The following MAST1 variants were observed in gnomAD, a reference collection of about 807,000 sequenced individuals.
The protein encoded by MAST1 is microtubule-associated serine/threonine-protein kinase 1.
In MAST1, 40 loss-of-function variants were observed where a neutral mutation model predicts 124.6. The ratio of observed to expected loss-of-function variants is 0.32; its 90% CI spans 0.25 to 0.42. The LOEUF (loss-of-function observed/expected upper bound fraction) is 0.42. Ranked by LOEUF, MAST1 falls within the 10% of genes least tolerant of loss-of-function variation. The probability of loss-of-function intolerance (pLI) is 1.00; values close to 1 mark genes in which losing one functional copy is unlikely to be tolerated. For synonymous variants in MAST1, 938 were observed against 939.4 expected, an observed-to-expected ratio of 1.00 and a Z score of 0.03; for missense variants, 1,558 against 2,181.9, an observed-to-expected ratio of 0.71 and a Z score of 5.70.
At chr19:12,860,755 G>T (rs1970071439) in intron 12 of MAST1, among the ~76,000 whole-genome samples, 1 of 151,896 alleles carries the variant, frequency 6.6e-6, no homozygotes, top group Admixed American at 6.6e-5. Flanking sequence ...CCCATATATT[G>T]TTTTTAATCC....
At chr19:12,868,256 G>A (rs1208413529) in intron 20 of MAST1, among the ~76,000 whole-genome samples, 4 of 151,322 alleles carry the variant, frequency 2.6e-5, no homozygotes. Flanking sequence ...TTACAGGCGC[G>A]CGCCACTACC....
Position 12,869,260 on chromosome 19 carries a change from G to A in MAST1, c.2968G>A (p.Asp990Asn), listed in dbSNP as rs1395729132. The change falls in exon 22 of 26, where the codon GAC becomes AAC. Residue 990 changes from aspartate (D) to asparagine (N), a missense_variant. By Grantham distance (23) the Asp-to-Asn change is conservative (BLOSUM62 1). This residue lies in a region of MAST1 where 291 missense variants were observed against 475.8 expected (regional missense o/e 0.61). Coordinates refer to ENST00000251472, the MANE Select transcript of MAST1 (RefSeq NM_014975.3). ...GCGTGCCATCCGTGTCTACATGGGT[G>A]ACACGGATGTCTATAGTGTCCACCA... ...TLRAIRVYMG[D>N]TDVYSVHHIV... The A allele has an allele frequency of 6.2e-7, 1 of 1,614,068 alleles. No homozygotes were observed.
At chr19:12,871,672 C>T (rs1363197669) in intron 24 of MAST1, among the ~76,000 whole-genome samples, 1 of 151,620 alleles carries the variant, frequency 6.6e-6, no homozygotes, top group Non-Finnish European at 1.5e-5. Flanking sequence ...GTAATCACAG[C>T]ACTTTGGGAG....
chr19:12,873,661 G>A lies in MAST1; in HGVS notation c.3504G>A (p.Ala1168=). ...SPASSTPNSP[A]SSASHHIRPS... ...CCTCGAGCACGCCCAACTCGCCTGC[G>A]TCGTCGGCGTCGCACCACATTCGGC... The change falls in exon 26 of 26, where the codon GCG becomes GCA. Residue 1168 remains alanine (A), a synonymous_variant. Coordinates refer to ENST00000251472, the MANE Select transcript of MAST1 (RefSeq NM_014975.3). 5 of 1,596,994 alleles carry A rather than the reference G, an allele frequency of 3.1e-6. No individual in the cohort carries two copies. Among genetic ancestry groups the A allele is most frequent in the Non-Finnish European group, 3.4e-6 (4 of 1,175,676 alleles).
chr19:12,841,179 C>A lies in MAST1; in HGVS notation c.248+113C>A. ...CACCCGAGCTGGGGCCTGAGGGGAC[C>A]AGCGAGTGCCCCAAGGTCTCAGCGG... is the stretch of plus-strand genomic sequence containing the variant. On this transcript the variant is annotated intron_variant, in intron 3 of 25. Coordinates refer to ENST00000251472, the MANE Select transcript of MAST1 (RefSeq NM_014975.3). This position sits in a 1 kb window ranked among gnomAD's most constrained non-coding sequence, Gnocchi z 4.3. 1.6e-6 allele frequency: 1 copy of A among 637,796 alleles called. No homozygotes were observed. 39.5% of individuals were successfully genotyped at this position (637,796 alleles called of 1,614,324 possible).
chr19:12,873,110 C>G, intron 24 of MAST1: 1 of 583,512 alleles, frequency 1.7e-6, no homozygotes, highest in Non-Finnish European at 3.1e-6. Flanking sequence ...CTAGCTTGGA[C>G]TAGGAGTGGC....
At chr19:12,844,083 G>C (rs1969862894) in intron 4 of MAST1, among the ~76,000 whole-genome samples, 1 of 152,116 alleles carries the variant, frequency 6.6e-6, no homozygotes, top group South Asian at 2.1e-4. Context: ...AAGAGTTATG[G>C]GTCCGCCCCA....
chr19:12,868,764 G>A lies in MAST1; in HGVS notation c.2688G>A (p.Val896=). The A allele has an allele frequency of 6.2e-7, 1 of 1,612,300 alleles. No homozygotes were observed. Among genetic ancestry groups the A allele is most frequent in the Non-Finnish European group, 8.5e-7 (1 of 1,179,066 alleles). ...RARHQQMSGD[V]AVEKRPSRTG... ...GGCACCAGCAGATGTCAGGGGATGT[G>A]GCAGTAGAGAAGAGGCCTTCTCGAA... Residue 896 remains valine (V), a synonymous_variant, in exon 21 of 26, where the codon GTG becomes GTA. Coordinates refer to ENST00000251472, the MANE Select transcript of MAST1 (RefSeq NM_014975.3).
chr19:12,868,697 C>T lies in MAST1; in HGVS notation c.2621C>T (p.Ser874Leu). 6.2e-7 allele frequency: 1 copy of T among 1,612,348 alleles called. No individual in the cohort carries two copies. The highest frequency in any genetic ancestry group is 2.2e-5 in the East Asian group (1 of 44,824). ...CCACCCTCGAAGGATGGGGATGCAT[C>T]AGGCCCAAGGGCTACCAATGACTTG... is the stretch of plus-strand genomic sequence containing the variant. Reference protein sequence around the residue: ...LCPPSKDGDASGPRATNDLVL... With the variant: ...LCPPSKDGDALGPRATNDLVL... The change falls in exon 21 of 26, where the codon TCA (serine) becomes TTA (leucine). Residue 874 changes from serine (S) to leucine (L), a missense_variant. Physicochemically the swap from Ser to Leu is moderately radical, Grantham distance 145. Around this residue, in one of 10 missense-constraint regions of MAST1, gnomAD observed 287 missense variants for 308.0 expected, o/e 0.93. Coordinates refer to ENST00000251472, the MANE Select transcript of MAST1 (RefSeq NM_014975.3).
intron 19 of MAST1, 39 bp downstream of exon 19, chr19:12,867,691 A>G: frequency 6.5e-7 from 1 of 1,540,114 alleles, no homozygotes; most frequent in South Asian, 1.2e-5. Context: ...GCGGGGTCGA[A>G]GGGGGCGTGT....
At chr19:12,868,019 G>T (rs1419353344) in intron 20 of MAST1, 42 bp downstream of exon 20, 1 of 1,507,270 alleles carries the variant, frequency 6.6e-7, no homozygotes, top group East Asian at 2.3e-5. Context: ...CTTCCCCAAT[G>T]TCCTACTGGT....
At position 12,873,748 on chromosome 19, in the gene MAST1, G is replaced by T; in HGVS notation, c.3591G>T (p.Lys1197Asn). 1 of 1,601,906 alleles carries T rather than the reference G, an allele frequency of 6.2e-7. No homozygotes were observed. The change falls in exon 26 of 26, where the codon AAG becomes AAT. Residue 1197 changes from lysine (K) to asparagine (N), a missense_variant. By Grantham distance (94) the Lys-to-Asn change is moderately conservative. Around this residue, in one of 10 missense-constraint regions of MAST1, gnomAD observed 291 missense variants for 475.8 expected, o/e 0.61. Transcript: ENST00000251472. ...LHRQYRSARCKSAGNIPLSPL... is the reference protein window; with the variant it reads ...LHRQYRSARCNSAGNIPLSPL... The stretch of plus-strand genomic sequence containing the variant: ...GCCAGTACCGCTCTGCGCGATGCAA[G>T]TCGGCCGGCAACATCCCTCTATCGC...
rs897157311 is a variant in MAST1 at position 12,874,942 on chromosome 19, G to A, written c.*72G>A. The A allele has an allele frequency of 6.6e-7, 1 of 1,515,456 alleles. No individual in the cohort carries two copies. The highest frequency in any genetic ancestry group is 1.4e-5 in the African/African-American group (1 of 72,776). 93.9% of individuals were successfully genotyped at this position (1,515,456 alleles called of 1,614,324 possible). On this transcript the variant is annotated 3_prime_UTR_variant, in exon 26 of 26. Transcript: ENST00000251472. This position sits in a 1 kb window ranked among gnomAD's most constrained non-coding sequence, Gnocchi z 6.6. ...GTACACATATAAATAAAGTGCGTCC[G>A]TGCTGCGTGAGTTTTCTGGGGCTCA...
chr19:12,857,414 T>TC (rs769177568), intron 10 of MAST1, among the ~76,000 whole-genome samples: 3 of 149,050 alleles, frequency 2.0e-5, no homozygotes, highest in Non-Finnish European at 4.5e-5. Flanking sequence ...TGGCCAAGAA[T>TC]CTTTTTTTTT....
chr19:12,874,379 G>A lies in MAST1; in HGVS notation c.4222G>A (p.Ala1408Thr). 1 of 1,598,320 alleles carries A rather than the reference G, an allele frequency of 6.3e-7. No individual in the cohort carries two copies. Among genetic ancestry groups the A allele is most frequent in the Non-Finnish European group, 8.5e-7 (1 of 1,179,036 alleles). ...CACTGGCGGGATGGCCAGGGCTGTGGCCAAGGCGGCGCTGAGCCCGGTGCA... is the reference window on the plus strand; with the variant it reads ...CACTGGCGGGATGGCCAGGGCTGTGACCAAGGCGGCGCTGAGCCCGGTGCA... ...DGTGGMARAV[A>T]KAALSPVQEH... The change falls in exon 26 of 26, where the codon GCC (alanine) becomes ACC (threonine). Residue 1408 changes from alanine to threonine, a missense_variant. Physicochemically the swap from Ala to Thr is moderately conservative, Grantham distance 58 (BLOSUM62 0). Around this residue, in one of 10 missense-constraint regions of MAST1, gnomAD observed 263 missense variants for 310.9 expected, o/e 0.85. Coordinates refer to ENST00000251472, the MANE Select transcript of MAST1 (RefSeq NM_014975.3). The surrounding 1 kb of genome is among the most constrained non-coding windows in gnomAD (Gnocchi z 6.6).
chr19:12,861,565 G>A (rs1449440180), intron 12 of MAST1, among the ~76,000 whole-genome samples: 1 of 152,190 alleles, frequency 6.6e-6, no homozygotes, highest in Non-Finnish European at 1.5e-5. Context: ...GGGGAGATGA[G>A]GATGAAGGGG....
rs574003962 is a variant in MAST1 at position 12,853,330 on chromosome 19, C to T, written c.1077+935C>T. 1.5e-3 allele frequency among the ~76,000 whole-genome samples: 231 copies of T among 151,736 alleles called. 6 individuals are homozygous for T. In the South Asian group the frequency reaches 0.047, roughly 31 times the overall value. On this transcript the variant is annotated intron_variant, in intron 10 of 25. Transcript: ENST00000251472. Reference sequence around the variant, plus strand: ...GGGTGCAGTGGCTTAGGCCTGTAATCCCAGCACTTTGGGAGGCCAAGGCAG... The same window carrying T: ...GGGTGCAGTGGCTTAGGCCTGTAATTCCAGCACTTTGGGAGGCCAAGGCAG...
At chr19:12,849,507 C>T (rs1328697381) in intron 7 of MAST1, among the ~76,000 whole-genome samples, 1 of 151,798 alleles carries the variant, frequency 6.6e-6, no homozygotes, top group Non-Finnish European at 1.5e-5. Flanking sequence ...ACTAAAAATA[C>T]AAAAAAGTTA....
intron 22 of MAST1, among the ~76,000 whole-genome samples, chr19:12,870,058 G>A (rs1214872052): frequency 1.3e-5 from 2 of 150,796 alleles, no homozygotes; most frequent in African/African-American, 4.9e-5. Context: ...GTGGGCGCCT[G>A]TAGTCCCAGC....
Sources: gnomAD v4.1 joint callset for allele counts (sites outside exome capture counted in the v4.1 genomes callset) on GRCh38, gnomAD v4.1.1 for gene constraint, gnomAD v4.1.1 regional missense constraint, Gnocchi (gnomAD v3.1) non-coding constraint, MANE v1.5 for transcripts, NCBI Gene and HGNC (gene_info 2026-07-23, HGNC 2026-07-21) for gene names.